Variants in ST6GAL1 observed in about 807,000 individuals in gnomAD.
The protein encoded by ST6GAL1 is beta-galactoside alpha-2,6-sialyltransferase 1.
In ST6GAL1, 20 loss-of-function variants were observed where a neutral mutation model predicts 38.0. That is an observed-to-expected ratio of 0.53 (90% confidence interval 0.37 to 0.77). The LOEUF (loss-of-function observed/expected upper bound fraction) is 0.77. Among genes scored for constraint, ST6GAL1 ranks in the 30% least tolerant of loss-of-function variants. The pLI, the probability that ST6GAL1 is intolerant of heterozygous loss-of-function variation, is 0.00. For synonymous variants in ST6GAL1, 196 were observed against 188.2 expected (o/e 1.04, Z -0.34); for missense variants, 432 against 496.4 (o/e 0.87, Z 1.23).
At chr3:186,979,107 A>T (rs1240773432) in intron 2 of ST6GAL1, among the ~76,000 whole-genome samples, 1 of 151,920 alleles carries the variant, frequency 6.6e-6, no homozygotes, top group Non-Finnish European at 1.5e-5. Flanking sequence ...TTTCTGTATC[A>T]TCTGTATTTG....
intron 2 of ST6GAL1, among the ~76,000 whole-genome samples, chr3:187,035,715 A>G (rs1717907558): frequency 1.3e-5 from 2 of 152,266 alleles, no homozygotes; most frequent in Admixed American, 1.3e-4. Flanking sequence ...CAGAAGAATG[A>G]AACTAGATCC....
intron 5 of ST6GAL1, among the ~76,000 whole-genome samples, chr3:187,066,100 T>C (rs2108598580): frequency 6.6e-6 from 1 of 152,278 alleles, no homozygotes; most frequent in Non-Finnish European, 1.5e-5. Flanking sequence ...GTGGGCGAGA[T>C]TTCCATCAAC....
chr3:187,041,761 G>T (rs1181185793), intron 3 of ST6GAL1, among the ~76,000 whole-genome samples: 1 of 152,220 alleles, frequency 6.6e-6, no homozygotes, highest in Non-Finnish European at 1.5e-5. Context: ...TAACACCTTT[G>T]AAGTGAACCC....
At chr3:187,013,671 A>T (rs1209180511) in intron 2 of ST6GAL1, among the ~76,000 whole-genome samples, 2 of 152,044 alleles carry the variant, frequency 1.3e-5, no homozygotes, top group Admixed American at 1.3e-4. Context: ...TGCGACTTCC[A>T]CCTCCTGGGT....
rs538929669 is a variant in ST6GAL1, at chr3:187,007,282, A to G, written c.-182-31460A>G. ...AATCCCTGAGAGGAGAGAGGTGGAAAAAGGGATCCACAAATTGGACTGACA... is the reference window on the plus strand; with the variant it reads ...AATCCCTGAGAGGAGAGAGGTGGAAGAAGGGATCCACAAATTGGACTGACA... On this transcript the variant is annotated intron_variant, in intron 2 of 7. Transcript: ENST00000169298. Among the ~76,000 whole-genome samples the G allele has an allele frequency of 8.9e-4, 135 of 152,302 alleles. 3 individuals are homozygous for G. In the South Asian group the frequency reaches 0.026, roughly 29 times the overall value.
intron 1 of ST6GAL1, among the ~76,000 whole-genome samples, chr3:186,956,849 G>C (rs1157432236): frequency 1.3e-5 from 2 of 152,102 alleles, no homozygotes; most frequent in East Asian, 3.8e-4. Context: ...AGATATTTGA[G>C]AAAAGTTTGA....
At chr3:186,939,432 AATAG>A (rs1261242276) in intron 1 of ST6GAL1, among the ~76,000 whole-genome samples, 1 of 152,098 alleles carries the variant, frequency 6.6e-6, no homozygotes, top group Admixed American at 6.5e-5. Context: ...CTGTGTCACA[AATAG>A]ACAGGGTGGA....
chr3:187,071,658 G>A (rs954013361), intron 5 of ST6GAL1, among the ~76,000 whole-genome samples: 5 of 151,746 alleles, frequency 3.3e-5, no homozygotes, highest in Non-Finnish European at 5.9e-5. Context: ...CTGCTTGGAG[G>A]CTGAGGCAGG....
chr3:187,058,253 G>A (rs964129256), intron 5 of ST6GAL1, among the ~76,000 whole-genome samples: 1 of 152,122 alleles, frequency 6.6e-6, no homozygotes, highest in African/African-American at 2.4e-5. Flanking sequence ...GCGCTTCCTG[G>A]GTGAGGTGAT....
At chr3:187,018,587 C>G (rs1299602072) in intron 2 of ST6GAL1, among the ~76,000 whole-genome samples, 2 of 152,150 alleles carry the variant, frequency 1.3e-5, no homozygotes, top group African/African-American at 4.8e-5. Flanking sequence ...GAAGTCTAGT[C>G]TATTCACATT....
intron 2 of ST6GAL1, among the ~76,000 whole-genome samples, chr3:187,010,725 A>C (rs911515433): frequency 2.0e-5 from 3 of 152,214 alleles, no homozygotes; most frequent in Non-Finnish European, 2.9e-5. Flanking sequence ...GTTAACTGAT[A>C]AGATACTGTG....
intron 2 of ST6GAL1, among the ~76,000 whole-genome samples, chr3:186,974,734 G>GC (rs201722917): frequency 1.3e-5 from 2 of 150,612 alleles, no homozygotes; most frequent in Non-Finnish European, 3.0e-5. Context: ...GTTGGGGGGG[G>GC]GGCGCCCACA....
At position 187,051,215 on chromosome 3, in the gene ST6GAL1, C is replaced by T. The variant is rs375346855; in HGVS notation, c.608-34C>T. ...TCTTTTTCTGCATATTGCCAGTGCT[C>T]ATCACCTCTTTTCTGTTTCTTTGTG... On this transcript the variant is annotated intron_variant, in intron 4 of 7. Transcript: ENST00000169298. 9.9e-5 allele frequency: 157 copies of T among 1,586,656 alleles called. No individual in the cohort carries two copies. The Middle Eastern group carries it at 3.0e-3, about 30-fold the overall frequency.
intron 5 of ST6GAL1, among the ~76,000 whole-genome samples, chr3:187,070,102 C>T: frequency 6.6e-6 from 1 of 152,170 alleles, no homozygotes; most frequent in Non-Finnish European, 1.5e-5. Context: ...AACCTTGCCT[C>T]TAAGGATAGT....
intron 2 of ST6GAL1, among the ~76,000 whole-genome samples, chr3:187,029,078 A>G (rs1717646489): frequency 6.6e-6 from 1 of 150,912 alleles, no homozygotes; most frequent in South Asian, 2.1e-4. Context: ...ACAAAGCAAG[A>G]CCTTGTCTCT....
chr3:187,033,015 C>T (rs1034475979), intron 2 of ST6GAL1, among the ~76,000 whole-genome samples: 3 of 152,172 alleles, frequency 2.0e-5, no homozygotes, highest in Admixed American at 6.5e-5. Flanking sequence ...GGCCTTGCAG[C>T]CAGGTTAATA....
intron 1 of ST6GAL1, among the ~76,000 whole-genome samples, chr3:186,956,971 A>G (rs549169066): frequency 7.7e-4 from 118 of 152,350 alleles, no homozygotes; most frequent in Non-Finnish European, 1.4e-3. Context: ...TTACTAGTCT[A>G]AGAGAGATAA....
At chr3:186,992,856 C>T (rs777422020) in intron 2 of ST6GAL1, among the ~76,000 whole-genome samples, 15 of 152,304 alleles carry the variant, frequency 9.8e-5, no homozygotes, top group East Asian at 1.9e-4. Flanking sequence ...GCAAATTAGA[C>T]GTGGTCCTTG....
intron 2 of ST6GAL1, among the ~76,000 whole-genome samples, chr3:187,030,697 G>C (rs550348397): frequency 6.2e-4 from 94 of 152,256 alleles, no homozygotes; most frequent in African/African-American, 2.1e-3. Context: ...GCCTCCCAAA[G>C]TGCTGGGATT....
Sources: allele counts gnomAD v4.1 joint callset (sites outside exome capture counted in the v4.1 genomes callset), GRCh38; gene constraint gnomAD v4.1.1; transcripts MANE v1.5; gene names NCBI Gene and HGNC (gene_info 2026-07-23, HGNC 2026-07-21).